Variants in NUP35 observed in about 807,000 individuals in gnomAD.
The protein encoded by NUP35 is nucleoporin 35.
NUP35 carries 25 observed loss-of-function variants against 41.5 expected under a neutral mutation model. The observed-to-expected ratio is 0.60, with a 90% CI of 0.44 to 0.84. The LOEUF (loss-of-function observed/expected upper bound fraction) is 0.84, where lower values mean the gene tolerates loss of function less well. Among genes scored for constraint, NUP35 ranks in the 40% least tolerant of loss-of-function variants. NUP35 has a pLI of 0.00. For synonymous variants in NUP35, 149 were observed against 130.7 expected (o/e 1.14, Z -0.96); for missense variants, 396 against 396.6 (o/e 1.00, Z 0.01).
At chr2:183,120,302 C>T (rs866565457), upstream of NUP35, among the ~76,000 whole-genome samples, 2 of 152,116 alleles carry the variant, frequency 1.3e-5, no homozygotes, top group South Asian at 2.1e-4. Flanking sequence ...AAAAAGTAGC[C>T]GGGTGTGGCG....
chr2:183,134,298 T>TA (rs1488125350), intron 4 of NUP35, among the ~76,000 whole-genome samples: 1 of 152,198 alleles, frequency 6.6e-6, no homozygotes. Context: ...TTATGGAACT[T>TA]ACATTTATTT....
intron 4 of NUP35, among the ~76,000 whole-genome samples, chr2:183,134,589 A>G (rs574797325): frequency 1.3e-5 from 2 of 151,426 alleles, no homozygotes; most frequent in East Asian, 1.9e-4. Flanking sequence ...GGCTGTGTTC[A>G]TTTATGGAGG....
At position 183,128,405 on chromosome 2, in the gene NUP35, A is replaced by T. The variant is rs750471629; in HGVS notation, c.159A>T (p.Ser53=). ...LPAPVTPQPR[S]ISGPSVGVME... ...CTCCGGTGACTCCACAACCTCGATC[A>T]ATTAGTGGCCCTTCAGTAGGAGTAA... Residue 53 remains serine (S), a synonymous_variant, in exon 2 of 9, where the codon TCA becomes TCT. Coordinates refer to ENST00000295119, the MANE Select transcript of NUP35 (RefSeq NM_138285.5). 1 of 1,614,040 alleles carries T rather than the reference A, an allele frequency of 6.2e-7. No homozygotes were observed. Among genetic ancestry groups the T allele is most frequent in the Non-Finnish European group, 8.5e-7 (1 of 1,179,972 alleles).
chr2:183,142,291 G>A (rs1461863226), intron 4 of NUP35, among the ~76,000 whole-genome samples: 1 of 152,040 alleles, frequency 6.6e-6, no homozygotes, highest in East Asian at 1.9e-4. Flanking sequence ...TGTATTATTT[G>A]TTTGATAATT....
intron 4 of NUP35, among the ~76,000 whole-genome samples, chr2:183,141,958 A>C (rs1270687344): frequency 6.6e-6 from 1 of 152,226 alleles, no homozygotes; most frequent in African/African-American, 2.4e-5. Flanking sequence ...TTGCTTAAGA[A>C]GTAAAAATTT....
rs1267623301 is a variant in NUP35 at position 183,130,870 on chromosome 2, GTTTAATA to G, written c.339+338_339+344del. The G allele has an allele frequency of 9.0e-5, 69 of 770,142 alleles. No homozygotes were observed. The East Asian group carries it at 2.6e-3, about 28-fold the overall frequency. 47.7% of individuals were successfully genotyped at this position (770,142 alleles called of 1,614,324 possible). ...TTAAATCATTCTGATTGTTTAAGAA[GTTTAATA>G]TTTAATATTTAAAAATTATGTGAAA... On this transcript the variant is annotated intron_variant, in intron 3 of 8. Coordinates refer to ENST00000295119, the MANE Select transcript of NUP35 (RefSeq NM_138285.5).
intron 2 of NUP35, among the ~76,000 whole-genome samples, chr2:183,130,207 C>T (rs1684647424): frequency 6.6e-6 from 1 of 152,108 alleles, no homozygotes; most frequent in Non-Finnish European, 1.5e-5. Context: ...TACCTGGGAG[C>T]TTATTAGAAC....
rs367886778 is a variant in NUP35, at chr2:183,124,543, C to G, written c.40+46C>G. 5.9e-4 allele frequency: 951 copies of G among 1,611,984 alleles called. 9 individuals are homozygous for G. Among genetic ancestry groups the G allele is most frequent in the Non-Finnish European group, 1.1e-4 (126 of 1,178,862 alleles). ...CCTTGCTGGCACTGCCATCCATGCTCTGGGCCTGGAGGCGGGCAAGACTGA... is the reference window on the plus strand; with the variant it reads ...CCTTGCTGGCACTGCCATCCATGCTGTGGGCCTGGAGGCGGGCAAGACTGA... On this transcript the variant is annotated intron_variant, in intron 1 of 8. Coordinates refer to ENST00000295119, the MANE Select transcript of NUP35 (RefSeq NM_138285.5).
intron 1 of NUP35, among the ~76,000 whole-genome samples, chr2:183,126,368 TCTTA>T (rs1242382634): frequency 6.6e-6 from 1 of 152,198 alleles, no homozygotes; most frequent in Non-Finnish European, 1.5e-5. Context: ...TTAAGCCAAT[TCTTA>T]CTTTATTTTG....
chr2:183,123,353 A>G (rs549369077), upstream of NUP35, among the ~76,000 whole-genome samples: 23 of 152,284 alleles, frequency 1.5e-4, no homozygotes, highest in Admixed American at 9.8e-4. Context: ...GGTCATATTC[A>G]TAAGTATGAG....
chr2:183,141,465 T>C (rs1685095484), intron 4 of NUP35, among the ~76,000 whole-genome samples: 1 of 152,234 alleles, frequency 6.6e-6, no homozygotes, highest in African/African-American at 2.4e-5. Context: ...TTGCTATATT[T>C]CTCTTAAAGT....
At chr2:183,125,737 C>T (rs906732256) in intron 1 of NUP35, among the ~76,000 whole-genome samples, 3 of 152,164 alleles carry the variant, frequency 2.0e-5, no homozygotes, top group African/African-American at 4.8e-5. Flanking sequence ...CTGTATATTG[C>T]CTTGCCAGAA....
At chr2:183,144,938 G>A (rs948185778) in intron 4 of NUP35, among the ~76,000 whole-genome samples, 5 of 152,058 alleles carry the variant, frequency 3.3e-5, no homozygotes, top group East Asian at 3.8e-4. Flanking sequence ...AGGTTGTAAC[G>A]GTTGTCACAA....
At chr2:183,141,849 C>G (rs1685108171) in intron 4 of NUP35, among the ~76,000 whole-genome samples, 1 of 152,136 alleles carries the variant, frequency 6.6e-6, no homozygotes, top group African/African-American at 2.4e-5. Context: ...CTAGGACTTG[C>G]ATGTTTGTAG....
intron 4 of NUP35, among the ~76,000 whole-genome samples, chr2:183,135,389 A>G (rs982301689): frequency 6.6e-6 from 1 of 152,160 alleles, no homozygotes; most frequent in Non-Finnish European, 1.5e-5. Flanking sequence ...GGTGACTGAA[A>G]TGGAGTAAGT....
chr2:183,137,357 T>A (rs1259972240), intron 4 of NUP35, among the ~76,000 whole-genome samples: 3 of 152,072 alleles, frequency 2.0e-5, no homozygotes, highest in Admixed American at 1.3e-4. Flanking sequence ...GGCAGGTGGA[T>A]CACTTGAGTC....
chr2:183,136,220 G>T (rs1684870562), intron 4 of NUP35, among the ~76,000 whole-genome samples: 1 of 152,212 alleles, frequency 6.6e-6, no homozygotes, highest in Admixed American at 6.5e-5. Flanking sequence ...CACCTGACTT[G>T]TTCCAAAATC....
At chr2:183,127,731 G>T (rs1471059440) in intron 1 of NUP35, among the ~76,000 whole-genome samples, 1 of 152,178 alleles carries the variant, frequency 6.6e-6, no homozygotes, top group East Asian at 1.9e-4. Context: ...TTATTAGTGT[G>T]ATTTTTAAAC....
chr2:183,158,377 C>A lies in NUP35; in HGVS notation c.704C>A (p.Ser235Tyr). 3 of 1,607,978 alleles carry A rather than the reference C, an allele frequency of 1.9e-6. No individual in the cohort carries two copies. Among genetic ancestry groups the A allele is most frequent in the South Asian group, 1.1e-5 (1 of 90,160 alleles). The change falls in exon 7 of 9, where the codon TCC becomes TAC. Residue 235 changes from serine (S) to tyrosine (Y), a missense_variant. Physicochemically the swap from Ser to Tyr is moderately radical, Grantham distance 144. Transcript: ENST00000295119. The stretch of plus-strand genomic sequence containing the variant: ...AAAGATGGGAGGATTTTTGGAGAAT[C>A]CATCATGATTGGTGTAAAACCATGT... ...LSKDGRIFGESIMIGVKPCID... is the reference protein window; with the variant it reads ...LSKDGRIFGEYIMIGVKPCID...
Sources: allele counts gnomAD v4.1 joint callset (sites outside exome capture counted in the v4.1 genomes callset), GRCh38; gene constraint gnomAD v4.1.1; transcripts MANE v1.5; gene names NCBI Gene and HGNC (gene_info 2026-07-23, HGNC 2026-07-21).